Variants in ZNF444 observed in about 807,000 individuals in gnomAD.
ZNF444 encodes the protein zinc finger protein 444.
A neutral mutation model predicts 14.4 loss-of-function variants in ZNF444; 8 were observed. The ratio of observed to expected loss-of-function variants is 0.56; its 90% CI spans 0.33 to 1.00. The LOEUF (loss-of-function observed/expected upper bound fraction) is 1.00, where lower values mean the gene tolerates loss of function less well. ZNF444 is among the 50% of genes least tolerant of loss of function. The pLI, the probability that ZNF444 is intolerant of heterozygous loss-of-function variation, is 0.03. For missense variants in ZNF444, 510 were observed against 504.8 expected (o/e 1.01, Z -0.10); for synonymous variants, 258 against 235.9 (o/e 1.09, Z -0.86).
At chr19:56,150,570 C>T in intron 3 of ZNF444, 1 of 424,760 alleles carries the variant, frequency 2.4e-6, no homozygotes, top group Non-Finnish European at 4.7e-6. Context: ...GATGGAATTT[C>T]CCATGACCTC....
intron 4 of ZNF444, among the ~76,000 whole-genome samples, chr19:56,159,201 TACCCATCCATC>T (rs1376598268): frequency 1.3e-5 from 2 of 150,940 alleles, no homozygotes; most frequent in African/African-American, 4.9e-5. Flanking sequence ...ATTCATCATC[TACCCATCCATC>T]ACCCATCCGT....
At chr19:56,156,559 G>A (rs1285750589) in intron 3 of ZNF444, 1 of 152,218 alleles carries the variant, frequency 6.6e-6, no homozygotes, top group Non-Finnish European at 1.5e-5. Context: ...AGAGGTGGGG[G>A]AAGATTTAAG....
chr19:56,140,701 C>T (rs1022268817), upstream of ZNF444, among the ~76,000 whole-genome samples: 5 of 152,156 alleles, frequency 3.3e-5, no homozygotes, highest in African/African-American at 1.2e-4. Context: ...AAAATGCGAT[C>T]CGTAGTCAAG....
chr19:56,148,154 T>C (rs537318994), intron 3 of ZNF444, among the ~76,000 whole-genome samples: 15 of 152,304 alleles, frequency 9.8e-5, no homozygotes, highest in Admixed American at 4.6e-4. Context: ...ATACCATCCT[T>C]TCAGTAGTGG....
Position 56,159,528 on chromosome 19 carries a change from G to A in ZNF444, c.407-96G>A, listed in dbSNP as rs929468195. 5.3e-6 allele frequency: 6 copies of A among 1,122,378 alleles called. No homozygotes were observed. In the African/African-American group the frequency reaches 9.7e-5, roughly 18 times the overall value. The allele number at this position is 1,122,378 out of a possible 1,614,324, so 69.5% of individuals were successfully genotyped here. A position where few individuals can be genotyped will look rare whatever the true frequency, so the allele number is the denominator to read the frequency against. ...CCCTCTTCCCACCCCAATGGTTTCT[G>A]CCTTTAAGCGTTCCCTCCCTGCCTC... On this transcript the variant is annotated intron_variant, in intron 4 of 4. Transcript: ENST00000337080.
chr19:56,159,476 G>A (rs2032130781), intron 4 of ZNF444, 148 bp from the exon 5 acceptor site: 1 of 629,022 alleles, frequency 1.6e-6, no homozygotes, highest in Non-Finnish European at 2.6e-6. Context: ...CCGGGACACA[G>A]GTATGAATAA....
chr19:56,138,452 C>G (rs115822293), upstream of ZNF444, among the ~76,000 whole-genome samples: 1 of 151,658 alleles, frequency 6.6e-6, no homozygotes, highest in Non-Finnish European at 1.5e-5. Flanking sequence ...CATGGCAAAA[C>G]GCTGTCCCTA....
Position 56,135,186 on chromosome 19 carries a change from G to A in ZNF444, c.-197+2408G>A, listed in dbSNP as rs1386838403. 5.3e-5 allele frequency among the ~76,000 whole-genome samples: 8 copies of A among 152,106 alleles called. No individual in the cohort carries two copies. The East Asian group carries it at 1.3e-3, about 26-fold the overall frequency. The stretch of plus-strand genomic sequence containing the variant: ...GTGGAGCTTGCTGTGAGCCGAGATC[G>A]CGCCACTGCACTCCAGCCTGGGTGA... On this transcript the variant is annotated intron_variant, in intron 1 of 2. Coordinates refer to the ZNF444 transcript ENST00000587467.
In ZNF444 at chr19:56,145,075, C is replaced by T. The variant is rs920378161; in HGVS notation, c.-196-1172C>T. 3.9e-5 allele frequency among the ~76,000 whole-genome samples: 6 copies of T among 152,228 alleles called. No homozygotes were observed. Among genetic ancestry groups the T allele is most frequent in the African/African-American group, 1.4e-4 (6 of 41,460 alleles). On this transcript the variant is annotated intron_variant, in intron 1 of 4. Transcript: ENST00000337080. The surrounding 1 kb of genome is among the most constrained non-coding windows in gnomAD (Gnocchi z 4.3). ...GCGTGAGCAAGTGGGCGTGGATGTG[C>T]GCCAGTGAGACTTAAGTAAAACAGG...
Position 56,160,262 on chromosome 19 carries a change from C to G in ZNF444, c.*61C>G. On this transcript the variant is annotated 3_prime_UTR_variant, in exon 5 of 5. Coordinates refer to ENST00000337080, the MANE Select transcript of ZNF444 (RefSeq NM_018337.4). ...GCTGCCCCCGGGCGGTACCTGCTCTCTCCCAGCGCCACTTGGCCTCTTCCT... is the reference window on the plus strand; with the variant it reads ...GCTGCCCCCGGGCGGTACCTGCTCTGTCCCAGCGCCACTTGGCCTCTTCCT... 1.5e-6 allele frequency: 2 copies of G among 1,318,820 alleles called. No individual in the cohort carries two copies. Among genetic ancestry groups the G allele is most frequent in the Non-Finnish European group, 2.0e-6 (2 of 1,018,598 alleles). The allele number at this position is 1,318,820 out of a possible 1,614,324, so 81.7% of individuals were successfully genotyped here.
chr19:56,148,012 C>T (rs942467653), intron 3 of ZNF444, among the ~76,000 whole-genome samples: 2 of 151,984 alleles, frequency 1.3e-5, no homozygotes, highest in African/African-American at 4.8e-5. Context: ...CTGGCCCCGT[C>T]AGGGAAGTTG....
rs61365745 is a variant in ZNF444, at chr19:56,132,935, C to CT, written c.-197+177dup. Among the ~76,000 whole-genome samples the CT allele has an allele frequency of 9.2e-3, 864 of 94,204 alleles. 75 individuals are homozygous for CT. The highest frequency in any genetic ancestry group is 0.034 in the African/African-American group (794 of 23,592). 61.8% of individuals were successfully genotyped at this position (94,204 alleles called of 152,430 possible). On this transcript the variant is annotated intron_variant, in intron 1 of 2. Coordinates refer to the ZNF444 transcript ENST00000587467. Reference sequence around the variant, plus strand: ...TTTCTTTTTCTTTCTTTCTTTCTTTCTTTTTTTTTTTTTTTTTTTTGAGAC... The same window carrying CT: ...TTTCTTTTTCTTTCTTTCTTTCTTTCTTTTTTTTTTTTTTTTTTTTTGAGAC...
chr19:56,159,974 T>A lies in ZNF444; in HGVS notation c.757T>A (p.Cys253Ser). The change falls in exon 5 of 5, where the codon TGC (cysteine) becomes AGC (serine). Residue 253 changes from cysteine (C) to serine (S), a missense_variant. Physicochemically the swap from Cys to Ser is moderately radical, Grantham distance 112. Transcript: ENST00000337080. ...LPAREKPHACCECGKTFYWRE... is the reference protein window; with the variant it reads ...LPAREKPHACSECGKTFYWRE... The stretch of plus-strand genomic sequence containing the variant: ...CGCCCGTGAGAAGCCCCACGCGTGC[T>A]GCGAGTGTGGCAAGACCTTCTACTG... 2.6e-6 allele frequency: 4 copies of A among 1,510,924 alleles called. No homozygotes were observed. Among genetic ancestry groups the A allele is most frequent in the African/African-American group, 1.4e-5 (1 of 69,368 alleles). The allele number at this position is 1,510,924 out of a possible 1,614,324, so 93.6% of individuals were successfully genotyped here.
At chr19:56,157,385 CA>C (rs2031975639) in intron 3 of ZNF444, 1 of 152,040 alleles carries the variant, frequency 6.6e-6, no homozygotes, top group Non-Finnish European at 1.5e-5. Context: ...AGAGTGAGGG[CA>C]GGTGGTTTGC....
intron 3 of ZNF444, among the ~76,000 whole-genome samples, chr19:56,152,793 G>GTC (rs1264879758): frequency 1.3e-5 from 2 of 152,014 alleles, no homozygotes; most frequent in Non-Finnish European, 2.9e-5. Flanking sequence ...GGGTGAAGGG[G>GTC]TCTCTCTGGG....
upstream of ZNF444, among the ~76,000 whole-genome samples, chr19:56,137,809 C>A (rs141649740): frequency 1.2e-3 from 177 of 152,242 alleles, no homozygotes; most frequent in African/African-American, 4.1e-3. Context: ...AGTGACATGA[C>A]CCTATTTAAG....
At position 56,144,555 on chromosome 19, in the gene ZNF444, C is replaced by A. The variant is rs539954503; in HGVS notation, c.-196-1692C>A. On this transcript the variant is annotated intron_variant, in intron 1 of 4. Transcript: ENST00000337080. The surrounding 1 kb of genome is among the most constrained non-coding windows in gnomAD (Gnocchi z 4.0). Reference sequence around the variant, plus strand: ...TCTAGGTGGCGAGAGTAGGCATACACGGGTCTTGTGGCAGCCGTCCCAGCA... The same window carrying A: ...TCTAGGTGGCGAGAGTAGGCATACAAGGGTCTTGTGGCAGCCGTCCCAGCA... Among the ~76,000 whole-genome samples, 2 of 152,108 alleles carry A rather than the reference C, an allele frequency of 1.3e-5. No homozygotes were observed. Among genetic ancestry groups the A allele is most frequent in the African/African-American group, 4.8e-5 (2 of 41,416 alleles).
At chr19:56,158,315 G>T in intron 3 of ZNF444, 179 bp from the exon 4 acceptor site, 1 of 541,222 alleles carries the variant, frequency 1.8e-6, no homozygotes. Context: ...GGGGTTGGCA[G>T]GAGGCCTTGG....
At chr19:56,133,230 G>C (rs892808293) in intron 1 of ZNF444, among the ~76,000 whole-genome samples, 1 of 147,718 alleles carries the variant, frequency 6.8e-6, no homozygotes, top group African/African-American at 2.5e-5. Context: ...ACACCACCAT[G>C]CCCGGCTAAT....
Sources: gnomAD v4.1 joint callset for allele counts (sites outside exome capture counted in the v4.1 genomes callset) on GRCh38, gnomAD v4.1.1 for gene constraint, Gnocchi (gnomAD v3.1) non-coding constraint, MANE v1.5 for transcripts, NCBI Gene and HGNC (gene_info 2026-07-23, HGNC 2026-07-21) for gene names.